The following DSCAML1 variants were observed in gnomAD, a reference collection of about 807,000 sequenced individuals.
DSCAML1 encodes DS cell adhesion molecule like 1.
In DSCAML1, 38 loss-of-function variants were observed where a neutral mutation model predicts 200.5. The ratio of observed to expected loss-of-function variants is 0.19; its 90% CI spans 0.15 to 0.25. The LOEUF (loss-of-function observed/expected upper bound fraction) is 0.25, where lower values mean the gene tolerates loss of function less well. Among genes scored for constraint, DSCAML1 ranks in the 10% least tolerant of loss-of-function variants. The probability of loss-of-function intolerance (pLI) is 1.00; values close to 1 mark genes in which losing one functional copy is unlikely to be tolerated. For synonymous variants in DSCAML1, 1,215 were observed against 1,165.0 expected, an observed-to-expected ratio of 1.04 and a Z score of -0.87; for missense variants, 2,223 against 2,858.8, an observed-to-expected ratio of 0.78 and a Z score of 5.07.
intron 3 of DSCAML1, among the ~76,000 whole-genome samples, chr11:117,561,861 G>A (rs1250125245): frequency 1.3e-5 from 2 of 152,330 alleles, no homozygotes; most frequent in East Asian, 3.9e-4. Context: ...TACAGCGTCA[G>A]GTCTGCTTTG....
intron 1 of DSCAML1, among the ~76,000 whole-genome samples, chr11:117,787,841 G>A (rs898612889): frequency 6.6e-5 from 10 of 152,198 alleles, no homozygotes; most frequent in Admixed American, 6.5e-4. Context: ...TTCTTGGATT[G>A]ATTTGCAAGG....
chr11:117,754,140 A>G (rs1205394495), intron 3 of DSCAML1, among the ~76,000 whole-genome samples: 2 of 152,126 alleles, frequency 1.3e-5, no homozygotes, highest in African/African-American at 2.4e-5. Context: ...GGGGGTAGAA[A>G]GCCCCCAGAG....
At chr11:117,775,122 G>A (rs1222366712) in intron 3 of DSCAML1, among the ~76,000 whole-genome samples, 2 of 152,058 alleles carry the variant, frequency 1.3e-5, no homozygotes, top group Non-Finnish European at 2.9e-5. Context: ...ACATTATTGG[G>A]GCTTCTCCCA....
At position 117,780,705 on chromosome 11, in the gene DSCAML1, C is replaced by T; in HGVS notation, c.152G>A (p.Gly51Asp). 1 of 1,581,062 alleles carries T rather than the reference C, an allele frequency of 6.3e-7. No homozygotes were observed. The highest frequency in any genetic ancestry group is 8.6e-7 in the Non-Finnish European group (1 of 1,162,304). ...CCATCGAAGGGCCGCGCTGGGGGAGCCCGCGGCCGGGCAGGGCACCACCAC... is the reference window on the plus strand; with the variant it reads ...CCATCGAAGGGCCGCGCTGGGGGAGTCCGCGGCCGGGCAGGGCACCACCAC... ...VGVVVPCPAAGSPSAALRWYL... is the reference protein window; with the variant it reads ...VGVVVPCPAADSPSAALRWYL... Residue 51 changes from glycine (G) to aspartate (D), a missense_variant, in exon 2 of 33, where the codon GGC becomes GAC. Transcript: ENST00000651296. The surrounding 1 kb of genome is among the most constrained non-coding windows in gnomAD (Gnocchi z 4.8).
At chr11:117,450,838 T>C in intron 19 of DSCAML1, 150 bp from the exon 20 acceptor site, 1 of 854,912 alleles carries the variant, frequency 1.2e-6, no homozygotes. Flanking sequence ...GGAGGGTCCA[T>C]CCAGCATGGT....
rs567520782 is a variant in DSCAML1 at position 117,466,157 on chromosome 11, C to A, written c.3025-975G>T. On this transcript the variant is annotated intron_variant, in intron 16 of 32. Transcript: ENST00000651296. The stretch of plus-strand genomic sequence containing the variant: ...GATACTTGTACACTCATGTTCAAAG[C>A]AGCATTATTCAGAATAGCCAGAAGG... Among the ~76,000 whole-genome samples the A allele has an allele frequency of 3.3e-5, 5 of 152,300 alleles. No homozygotes were observed. The South Asian group carries it at 8.3e-4, about 25-fold the overall frequency.
At chr11:117,761,716 A>C (rs376105630) in intron 3 of DSCAML1, among the ~76,000 whole-genome samples, 2 of 152,288 alleles carry the variant, frequency 1.3e-5, no homozygotes, top group Non-Finnish European at 2.9e-5. Flanking sequence ...ACAAAAAATT[A>C]AAAAATTAGC....
rs575633681 is a variant in DSCAML1, at chr11:117,554,381, T to A, written c.512-21859A>T. Among the ~76,000 whole-genome samples the A allele has an allele frequency of 1.6e-3, 234 of 150,704 alleles. 1 individual carries two copies. The highest frequency in any genetic ancestry group is 3.4e-3 in the Middle Eastern group (1 of 294). ...AACATTTTATTCTATTATTTATTATTTATTATTTTTATTTTTTGAGATGAA... is the reference window on the plus strand; with the variant it reads ...AACATTTTATTCTATTATTTATTATATATTATTTTTATTTTTTGAGATGAA... On this transcript the variant is annotated intron_variant, in intron 3 of 32. Coordinates refer to ENST00000651296, the MANE Select transcript of DSCAML1 (RefSeq NM_020693.4).
chr11:117,450,767 G>GAGGC, intron 19 of DSCAML1, 79 bp from the exon 20 acceptor site: 1 of 1,516,762 alleles, frequency 6.6e-7, no homozygotes, highest in Non-Finnish European at 8.9e-7. Context: ...TTGGGAGAGG[G>GAGGC]AGGCAGATCA....
intron 3 of DSCAML1, among the ~76,000 whole-genome samples, chr11:117,603,434 T>C (rs977319073): frequency 9.2e-5 from 14 of 152,194 alleles, no homozygotes; most frequent in South Asian, 4.1e-4. Flanking sequence ...TGCTCTGTGA[T>C]TGTGGGCAAG....
At position 117,697,220 on chromosome 11, in the gene DSCAML1, C is replaced by T. The variant is rs149032305; in HGVS notation, c.511+79571G>A. Among the ~76,000 whole-genome samples the T allele has an allele frequency of 7.7e-3, 1,179 of 152,300 alleles. 3 individuals are homozygous for T. Among genetic ancestry groups the T allele is most frequent in the Non-Finnish European group, 0.012 (822 of 68,026 alleles). ...CTTGTGCTCAGACTCCTGCACAAGG[C>T]CACCTGCCTCACATAGCTCCTTCTT... On this transcript the variant is annotated intron_variant, in intron 3 of 32. Coordinates refer to ENST00000651296, the MANE Select transcript of DSCAML1 (RefSeq NM_020693.4).
intron 3 of DSCAML1, among the ~76,000 whole-genome samples, chr11:117,666,572 T>A (rs1643009959): frequency 6.6e-6 from 1 of 152,050 alleles, no homozygotes; most frequent in African/African-American, 2.4e-5. Context: ...AACTTCCCAC[T>A]CCTCTCTCTC....
chr11:117,593,499 G>A (rs887122567), intron 3 of DSCAML1, among the ~76,000 whole-genome samples: 8 of 152,214 alleles, frequency 5.3e-5, no homozygotes, highest in African/African-American at 1.7e-4. Context: ...CAGGCTGCCT[G>A]TCTGCCACCG....
intron 3 of DSCAML1, among the ~76,000 whole-genome samples, chr11:117,753,451 T>A (rs994601006): frequency 6.6e-6 from 1 of 152,220 alleles, no homozygotes; most frequent in African/African-American, 2.4e-5. Context: ...GTTGTCAACC[T>A]GTGCTATAAG....
chr11:117,554,262 A>G (rs1246678165), intron 3 of DSCAML1, among the ~76,000 whole-genome samples: 6 of 152,250 alleles, frequency 3.9e-5, no homozygotes, highest in Non-Finnish European at 1.5e-5. Context: ...CATGCCACTG[A>G]ACTGGACACT....
intron 3 of DSCAML1, among the ~76,000 whole-genome samples, chr11:117,541,676 A>G (rs964325823): frequency 5.9e-5 from 9 of 152,220 alleles, no homozygotes; most frequent in Non-Finnish European, 1.0e-4. Flanking sequence ...AAAAGTACAG[A>G]CAAGAACACA....
At chr11:117,633,981 A>G (rs2052225759) in intron 3 of DSCAML1, among the ~76,000 whole-genome samples, 1 of 152,208 alleles carries the variant, frequency 6.6e-6, no homozygotes, top group Non-Finnish European at 1.5e-5. Context: ...AATTTCAACA[A>G]CTGTGTATTA....
chr11:117,514,676 A>G (rs768953794), intron 8 of DSCAML1, among the ~76,000 whole-genome samples: 1 of 137,658 alleles, frequency 7.3e-6, no homozygotes, highest in African/African-American at 2.7e-5. Context: ...TCCACCTCCC[A>G]GGTTCAAGTT....
chr11:117,453,907 T>C (rs978613248), intron 19 of DSCAML1, among the ~76,000 whole-genome samples: 2 of 152,004 alleles, frequency 1.3e-5, no homozygotes, highest in African/African-American at 4.8e-5. Flanking sequence ...TGCACCTGGC[T>C]AATTTTTTGT....
Sources: gnomAD v4.1 joint callset for allele counts (sites outside exome capture counted in the v4.1 genomes callset) on GRCh38, gnomAD v4.1.1 for gene constraint, Gnocchi (gnomAD v3.1) non-coding constraint, MANE v1.5 for transcripts, NCBI Gene and HGNC (gene_info 2026-07-23, HGNC 2026-07-21) for gene names.